The following ANP32B variants were observed in gnomAD, a reference collection of about 807,000 sequenced individuals.
ANP32B encodes the protein acidic leucine-rich nuclear phosphoprotein 32 family member B.
In ANP32B, 6 loss-of-function variants were observed where a neutral mutation model predicts 32.2. The ratio of observed to expected loss-of-function variants is 0.19; its 90% CI spans 0.10 to 0.37. ANP32B has a LOEUF of 0.37. Ranked by LOEUF, ANP32B falls within the 10% of genes least tolerant of loss-of-function variation. The probability of loss-of-function intolerance (pLI) is 1.00; values close to 1 mark genes in which losing one functional copy is unlikely to be tolerated. For synonymous variants in ANP32B, 98 were observed against 105.8 expected, an observed-to-expected ratio of 0.93 and a Z score of 0.45; for missense variants, 204 against 289.2, an observed-to-expected ratio of 0.71 and a Z score of 2.14.
At chr9:97,991,530 A>G (rs577814173) in intron 1 of ANP32B, among the ~76,000 whole-genome samples, 1 of 152,300 alleles carries the variant, frequency 6.6e-6, no homozygotes, top group Non-Finnish European at 1.5e-5. Context: ...AAAATAGAAG[A>G]TATCCTCAAG....
rs375549463 is a variant in ANP32B, at chr9:98,004,413, T to A, written c.328-551T>A. Among the ~76,000 whole-genome samples, 12 of 152,306 alleles carry A rather than the reference T, an allele frequency of 7.9e-5. 1 individual carries two copies. Among genetic ancestry groups the A allele is most frequent in the African/African-American group, 2.9e-4 (12 of 41,566 alleles). On this transcript the variant is annotated intron_variant, in intron 3 of 6. Coordinates refer to ENST00000339399, the MANE Select transcript of ANP32B (RefSeq NM_006401.3). ...TGCTTTTTCCTCAGCCCATATTGAC[T>A]CCTGTCTTCCCTGAAAGTAGCTGCA...
At chr9:97,989,491 G>A (rs988067754) in intron 1 of ANP32B, among the ~76,000 whole-genome samples, 4 of 152,140 alleles carry the variant, frequency 2.6e-5, no homozygotes, top group Non-Finnish European at 5.9e-5. Context: ...TCTTCAAGCA[G>A]AAGGCCAGTT....
At chr9:97,989,426 T>A (rs1473607510) in intron 1 of ANP32B, among the ~76,000 whole-genome samples, 1 of 152,084 alleles carries the variant, frequency 6.6e-6, no homozygotes, top group Non-Finnish European at 1.5e-5. Flanking sequence ...GCAAGTTTAA[T>A]TGGAGCATGA....
rs554324727 is a variant in ANP32B at position 98,011,331 on chromosome 9, A to G, written c.578A>G (p.Glu193Gly). 9 of 1,549,758 alleles carry G rather than the reference A, an allele frequency of 5.8e-6. No individual in the cohort carries two copies. In the South Asian group the frequency reaches 9.5e-5, roughly 16 times the overall value. The change falls in exon 5 of 7, where the codon GAA becomes GGA. Residue 193 changes from glutamate (E) to glycine (G), a missense_variant. Physicochemically the swap from Glu to Gly is moderately conservative, Grantham distance 98. Coordinates refer to ENST00000339399, the MANE Select transcript of ANP32B (RefSeq NM_006401.3). ...EDGEEEEFDEEDDEDEDVEGD... is the reference protein window; with the variant it reads ...EDGEEEEFDEGDDEDEDVEGD... ...GGTGAAGAAGAGGAGTTTGATGAAG[A>G]AGATGATGAAGATGAAGATGTAGAA...
chr9:97,983,725 GT>G, intron 1 of ANP32B, 116 bp downstream of exon 1: 1 of 764,824 alleles, frequency 1.3e-6, no homozygotes, highest in Non-Finnish European at 1.9e-6. Flanking sequence ...AGCGCAGCTC[GT>G]GGGCTCGGAC....
chr9:97,994,569 G>A (rs1269186823), intron 1 of ANP32B, 62 bp from the exon 2 acceptor site: 14 of 1,531,630 alleles, frequency 9.1e-6, no homozygotes, highest in Non-Finnish European at 1.2e-5. Flanking sequence ...AGAAGTTTCT[G>A]CATTGTTGTT....
At chr9:97,984,304 A>G (rs1827660645) in intron 1 of ANP32B, among the ~76,000 whole-genome samples, 2 of 151,172 alleles carry the variant, frequency 1.3e-5, no homozygotes. Flanking sequence ...AAGTTTGAAA[A>G]AAGGACGTGG....
At chr9:98,000,275 C>T (rs1053160721) in intron 3 of ANP32B, among the ~76,000 whole-genome samples, 6 of 152,120 alleles carry the variant, frequency 3.9e-5, no homozygotes, top group African/African-American at 9.7e-5. Flanking sequence ...CCACCATGTC[C>T]GGCTGAGTCT....
At chr9:97,994,189 G>A (rs969899638) in intron 1 of ANP32B, among the ~76,000 whole-genome samples, 17 of 152,114 alleles carry the variant, frequency 1.1e-4, no homozygotes, top group African/African-American at 4.1e-4. Context: ...ATCTCTTAGT[G>A]GTCTTGATAG....
At chr9:98,011,245 A>G in intron 4 of ANP32B, 26 bp from the exon 5 acceptor site, 2 of 1,550,088 alleles carry the variant, frequency 1.3e-6, no homozygotes, top group Non-Finnish European at 1.7e-6. Flanking sequence ...AGGATATTTA[A>G]TGAATCCCTT....
At chr9:97,996,132 T>G (rs1401906169) in intron 2 of ANP32B, among the ~76,000 whole-genome samples, 1 of 152,196 alleles carries the variant, frequency 6.6e-6, no homozygotes, top group African/African-American at 2.4e-5. Context: ...TATATTTGCA[T>G]GGGTTATCAG....
In ANP32B at chr9:97,983,392, G is replaced by A. The variant is rs986122414; in HGVS notation, c.-164G>A. 2 of 576,970 alleles carry A rather than the reference G, an allele frequency of 3.5e-6. No individual in the cohort carries two copies. The highest frequency in any genetic ancestry group is 6.1e-6 in the Non-Finnish European group (2 of 328,368). 35.7% of individuals were successfully genotyped at this position (576,970 alleles called of 1,614,324 possible). On this transcript the variant is annotated 5_prime_UTR_variant, in exon 1 of 7. Coordinates refer to ENST00000339399, the MANE Select transcript of ANP32B (RefSeq NM_006401.3). Reference sequence around the variant, plus strand: ...TCCCGTGAGTAACTTGGCTCCGGGGGCTCCGCTCGCCTGCCCGCACGCCGC... The same window carrying A: ...TCCCGTGAGTAACTTGGCTCCGGGGACTCCGCTCGCCTGCCCGCACGCCGC...
chr9:97,994,700 G>A lies in ANP32B; in HGVS notation c.124G>A (p.Val42Met). The A allele has an allele frequency of 6.2e-7, 1 of 1,612,534 alleles. No individual in the cohort carries two copies. Among genetic ancestry groups the A allele is most frequent in the Non-Finnish European group, 8.5e-7 (1 of 1,179,566 alleles). ...GKIEGLTAEF[V>M]NLEFLSLINV... ...AATTGAGGGCTTAACAGCTGAATTT[G>A]TGAACTTAGAGTTCCTCAGTTTAAT... Residue 42 changes from valine to methionine, a missense_variant, in exon 2 of 7, where the codon GTG (valine) becomes ATG (methionine). Coordinates refer to ENST00000339399, the MANE Select transcript of ANP32B (RefSeq NM_006401.3).
At chr9:97,984,557 C>A (rs999212195) in intron 1 of ANP32B, 1 of 141,850 alleles carries the variant, frequency 7.0e-6, no homozygotes, top group South Asian at 2.7e-4. Flanking sequence ...CCAGCCGGGG[C>A]GCGCCACAGG....
chr9:98,010,931 C>T (rs574514689), intron 4 of ANP32B, among the ~76,000 whole-genome samples: 1 of 152,126 alleles, frequency 6.6e-6, no homozygotes, highest in South Asian at 2.1e-4. Flanking sequence ...GTTCTTATCA[C>T]TCAGCTTCAG....
chr9:98,012,286 A>G, intron 5 of ANP32B, 135 bp from the exon 6 acceptor site: 1 of 1,120,008 alleles, frequency 8.9e-7, no homozygotes, highest in Non-Finnish European at 1.2e-6. Flanking sequence ...AAGTAGATAA[A>G]AATAACATTA....
chr9:97,999,309 A>T (rs2131586142), intron 3 of ANP32B, among the ~76,000 whole-genome samples: 1 of 152,330 alleles, frequency 6.6e-6, no homozygotes, highest in African/African-American at 2.4e-5. Flanking sequence ...CATGTTCTTA[A>T]CAATTTTTTT....
intron 2 of ANP32B, among the ~76,000 whole-genome samples, chr9:97,996,674 A>G (rs1427365923): frequency 2.0e-5 from 3 of 151,822 alleles, no homozygotes; most frequent in Non-Finnish European, 4.4e-5. Context: ...GCTCACTGCA[A>G]CCTCCGCCTC....
At chr9:97,993,910 G>A (rs1827866897) in intron 1 of ANP32B, among the ~76,000 whole-genome samples, 2 of 152,342 alleles carry the variant, frequency 1.3e-5, no homozygotes, top group South Asian at 2.1e-4. Context: ...TGGGATTACA[G>A]GCGTCAGCCA....
Sources: allele counts gnomAD v4.1 joint callset (sites outside exome capture counted in the v4.1 genomes callset), GRCh38; gene constraint gnomAD v4.1.1; transcripts MANE v1.5; gene names NCBI Gene and HGNC (gene_info 2026-07-23, HGNC 2026-07-21).